The following KCNB2 variants were observed in gnomAD, a reference collection of about 807,000 sequenced individuals.
KCNB2 encodes potassium voltage-gated channel subfamily B member 2.
KCNB2 carries 15 observed loss-of-function variants against 61.5 expected under a neutral mutation model. That is an observed-to-expected ratio of 0.24 (90% CI 0.16 to 0.38). The LOEUF (loss-of-function observed/expected upper bound fraction) is 0.38. KCNB2 is among the 10% of genes least tolerant of loss of function. The pLI, the probability that KCNB2 is intolerant of heterozygous loss-of-function variation, is 1.00. For missense variants in KCNB2, 828 were observed against 1,125.2 expected (o/e 0.74, Z 3.78); for synonymous variants, 457 against 446.0 (o/e 1.02, Z -0.31).
rs146052920 is a variant in KCNB2 at position 72,588,530 on chromosome 8, C to T, written c.579+20217C>T. 1.6e-3 allele frequency among the ~76,000 whole-genome samples: 250 copies of T among 152,174 alleles called. 2 individuals carry two copies. Among genetic ancestry groups the T allele is most frequent in the African/African-American group, 5.2e-3 (214 of 41,546 alleles). On this transcript the variant is annotated intron_variant, in intron 2 of 2. Transcript: ENST00000523207. ...CTGAGATTACAGGCTTAAGCCACCA[C>T]GCCTGCCAGCTTTCTTGTACTTTTC...
At chr8:72,818,222 G>C (rs1329820665) in intron 2 of KCNB2, among the ~76,000 whole-genome samples, 1 of 152,020 alleles carries the variant, frequency 6.6e-6, no homozygotes, top group Non-Finnish European at 1.5e-5. Context: ...TATCACCCTA[G>C]TATGTAACAA....
chr8:72,726,991 C>G (rs919726440), intron 2 of KCNB2, among the ~76,000 whole-genome samples: 1 of 151,684 alleles, frequency 6.6e-6, no homozygotes, highest in African/African-American at 2.4e-5. Flanking sequence ...AAAATGCTCT[C>G]TATTTGCCTC....
At chr8:72,796,823 A>G (rs1809038822) in intron 2 of KCNB2, among the ~76,000 whole-genome samples, 2 of 152,194 alleles carry the variant, frequency 1.3e-5, no homozygotes, top group African/African-American at 4.8e-5. Context: ...CACCAAAATG[A>G]TATCAACTGA....
At chr8:72,613,698 C>T (rs553292981) in intron 2 of KCNB2, among the ~76,000 whole-genome samples, 80 of 152,296 alleles carry the variant, frequency 5.3e-4, no homozygotes, top group African/African-American at 1.9e-3. Flanking sequence ...ACCATATTCA[C>T]GCCTCCATTG....
chr8:72,711,561 A>G (rs1185633066), intron 2 of KCNB2, among the ~76,000 whole-genome samples: 1 of 152,234 alleles, frequency 6.6e-6, no homozygotes, highest in Non-Finnish European at 1.5e-5. Flanking sequence ...TTTAGAGAAC[A>G]TAATATTATA....
chr8:72,732,578 A>T (rs60720246), intron 2 of KCNB2, among the ~76,000 whole-genome samples: 1 of 152,216 alleles, frequency 6.6e-6, no homozygotes. Flanking sequence ...AGAATTGATG[A>T]GCTAAGAAAG....
Position 72,872,946 on chromosome 8 carries a change from G to A in KCNB2, c.580-62989G>A, listed in dbSNP as rs897550723. On this transcript the variant is annotated intron_variant, in intron 2 of 2. Coordinates refer to ENST00000523207, the MANE Select transcript of KCNB2 (RefSeq NM_004770.3). ...TAAAGACTGTGTCGGAATATTCCTC[G>A]TTGAATTCCCAGTGCCTCTCCATGG... Among the ~76,000 whole-genome samples the A allele has an allele frequency of 3.9e-5, 6 of 152,254 alleles. No individual in the cohort carries two copies. In the East Asian group the frequency reaches 5.8e-4, roughly 15 times the overall value.
In KCNB2 at chr8:72,766,942, G is replaced by A. The variant is rs765570876; in HGVS notation, c.580-168993G>A. Reference sequence around the variant, plus strand: ...AGGCCTCAGAATCATGGCAGGAGGTGGGAAGCGAAAGGCACTTCTTACATG... The same window carrying A: ...AGGCCTCAGAATCATGGCAGGAGGTAGGAAGCGAAAGGCACTTCTTACATG... On this transcript the variant is annotated intron_variant, in intron 2 of 2. Transcript: ENST00000523207. Among the ~76,000 whole-genome samples, 360 of 152,240 alleles carry A rather than the reference G, an allele frequency of 2.4e-3. 1 individual carries two copies. Among genetic ancestry groups the A allele is most frequent in the Non-Finnish European group, 4.4e-3 (297 of 68,030 alleles).
At chr8:72,927,873 C>T (rs192693302) in intron 2 of KCNB2, among the ~76,000 whole-genome samples, 1 of 152,154 alleles carries the variant, frequency 6.6e-6, no homozygotes, top group Non-Finnish European at 1.5e-5. Flanking sequence ...GGCTTCAAAG[C>T]CTTTGCCCAC....
chr8:72,823,959 C>A (rs1018622733), intron 2 of KCNB2, among the ~76,000 whole-genome samples: 5 of 152,042 alleles, frequency 3.3e-5, no homozygotes, highest in Admixed American at 1.3e-4. Flanking sequence ...GCTGGTATAC[C>A]CAACAAGCAT....
chr8:72,829,876 G>A (rs1809662293), intron 2 of KCNB2, among the ~76,000 whole-genome samples: 1 of 150,418 alleles, frequency 6.6e-6, no homozygotes, highest in Non-Finnish European at 1.5e-5. Context: ...ATCAATATAT[G>A]AATACTGGGA....
intron 2 of KCNB2, among the ~76,000 whole-genome samples, chr8:72,781,432 T>C (rs12542564): frequency 0.01 from 1,530 of 152,334 alleles, 25 homozygotes; most frequent in Admixed American, 0.047. Flanking sequence ...TTTCTGCTTA[T>C]GGCTAACCAG....
intron 2 of KCNB2, among the ~76,000 whole-genome samples, chr8:72,568,778 A>T: frequency 6.9e-6 from 1 of 144,534 alleles, no homozygotes; most frequent in East Asian, 2.0e-4. Context: ...GCATGGCCCC[A>T]GGTAGCTCAG....
intron 2 of KCNB2, among the ~76,000 whole-genome samples, chr8:72,777,282 A>G (rs904728043): frequency 1.3e-5 from 2 of 152,218 alleles, no homozygotes; most frequent in Non-Finnish European, 2.9e-5. Flanking sequence ...AAGTGCTACT[A>G]AGACATTTCA....
intron 2 of KCNB2, among the ~76,000 whole-genome samples, chr8:72,768,649 T>A (rs1272107729): frequency 6.6e-6 from 1 of 152,140 alleles, no homozygotes; most frequent in Non-Finnish European, 1.5e-5. Context: ...TCCAAGATCA[T>A]GAAGCTTTAT....
intron 2 of KCNB2, among the ~76,000 whole-genome samples, chr8:72,838,345 A>G (rs1809818806): frequency 6.6e-6 from 1 of 152,062 alleles, no homozygotes; most frequent in African/African-American, 2.4e-5. Context: ...GCTCCCACCT[A>G]TGAGTGAGAA....
At chr8:72,906,293 T>A (rs1806175243) in intron 2 of KCNB2, among the ~76,000 whole-genome samples, 1 of 152,216 alleles carries the variant, frequency 6.6e-6, no homozygotes, top group African/African-American at 2.4e-5. Context: ...AACTCCTATT[T>A]TAAGAAGCCA....
intron 2 of KCNB2, among the ~76,000 whole-genome samples, chr8:72,625,516 G>C (rs140590162): frequency 0.018 from 2,806 of 152,152 alleles, 68 homozygotes; most frequent in African/African-American, 0.062. Context: ...CAGCAGCCTT[G>C]ACCTCCTGGG....
chr8:72,886,276 T>A (rs1563413585), intron 2 of KCNB2, among the ~76,000 whole-genome samples: 1 of 152,220 alleles, frequency 6.6e-6, no homozygotes, highest in Admixed American at 6.6e-5. Flanking sequence ...CATTGTCACC[T>A]TGTAGAATCT....
Sources: gnomAD v4.1 joint callset for allele counts (sites outside exome capture counted in the v4.1 genomes callset) on GRCh38, gnomAD v4.1.1 for gene constraint, MANE v1.5 for transcripts, NCBI Gene and HGNC (gene_info 2026-07-23, HGNC 2026-07-21) for gene names.